NAA25: variants seen among roughly 807,000 people sequenced by gnomAD.
The protein encoded by NAA25 is N-terminal acetyltransferase B complex subunit NAA25.
NAA25 carries 30 observed loss-of-function variants against 132.5 expected under a neutral mutation model. The ratio of observed to expected loss-of-function variants is 0.23; its 90% CI spans 0.17 to 0.31. The LOEUF is 0.31. NAA25 is among the 10% of genes least tolerant of loss of function. The pLI is 1.00. For synonymous variants in NAA25, 359 were observed against 401.9 expected (o/e 0.89, Z 1.28); for missense variants, 771 against 1,150.4 (o/e 0.67, Z 4.77).
intron 17 of NAA25, among the ~76,000 whole-genome samples, chr12:112,046,985 T>C (rs1044073257): frequency 6.6e-6 from 1 of 152,196 alleles, no homozygotes; most frequent in Non-Finnish European, 1.5e-5. Flanking sequence ...ATATTTTCTA[T>C]ATTTTCTTCT....
At chr12:112,069,056 GA>G (rs2078763197) in intron 10 of NAA25, 64 bp from the exon 11 acceptor site, 1 of 928,838 alleles carries the variant, frequency 1.1e-6, no homozygotes, top group Non-Finnish European at 1.7e-6. Context: ...ATTTAAGTGA[GA>G]ATTAATTTGA....
At chr12:112,076,574 A>G (rs1159595868) in intron 7 of NAA25, among the ~76,000 whole-genome samples, 1 of 152,172 alleles carries the variant, frequency 6.6e-6, no homozygotes, top group East Asian at 1.9e-4. Flanking sequence ...AAAAACTAGG[A>G]TGATAGTTCT....
At position 112,029,305 on chromosome 12, in the gene NAA25, T is replaced by C. The variant is rs2078119711; in HGVS notation, c.*226A>G. The C allele has an allele frequency of 1.8e-6, 1 of 556,682 alleles. No individual in the cohort carries two copies. The highest frequency in any genetic ancestry group is 3.1e-6 in the Non-Finnish European group (1 of 323,124). 34.5% of individuals were successfully genotyped at this position (556,682 alleles called of 1,614,324 possible). ...TTGCTGCCATATGCATATGAACATG[T>C]ATAAAAAGTGGTCAAACCCAGATGA... is the stretch of plus-strand genomic sequence containing the variant. On this transcript the variant is annotated 3_prime_UTR_variant, in exon 24 of 24. Coordinates refer to ENST00000261745, the MANE Select transcript of NAA25 (RefSeq NM_024953.4).
At chr12:112,095,425 A>G (rs2079198093) in intron 1 of NAA25, among the ~76,000 whole-genome samples, 1 of 150,368 alleles carries the variant, frequency 6.7e-6, no homozygotes. Flanking sequence ...TGACAGAGTG[A>G]GACTCCGTCT....
At position 112,061,192 on chromosome 12, in the gene NAA25, C is replaced by A; in HGVS notation, c.1346G>T (p.Gly449Val). Residue 449 changes from glycine (G) to valine (V), a missense_variant, in exon 12 of 24, where the codon GGA becomes GTA. By Grantham distance (109) the Gly-to-Val change is moderately radical. Coordinates refer to ENST00000261745, the MANE Select transcript of NAA25 (RefSeq NM_024953.4). ...GAATGGTTGCTCACCAAATTCCAGT[C>A]CATGCTGGTACCTTAACATCAATTC... ...VRELMLRYQH[G>V]LEFGKTCLKT... 6.2e-7 allele frequency: 1 copy of A among 1,613,262 alleles called. No homozygotes were observed. Among genetic ancestry groups the A allele is most frequent in the South Asian group, 1.1e-5 (1 of 91,010 alleles).
At chr12:112,096,483 CAATGCACTT>C (rs1291320724) in intron 1 of NAA25, among the ~76,000 whole-genome samples, 23 of 152,116 alleles carry the variant, frequency 1.5e-4, no homozygotes, top group African/African-American at 4.8e-4. Flanking sequence ...TGCATGAGTT[CAATGCACTT>C]AATGCACTTA....
chr12:112,056,140 C>A (rs1299750575), intron 13 of NAA25, among the ~76,000 whole-genome samples: 1 of 152,164 alleles, frequency 6.6e-6, no homozygotes, highest in Admixed American at 6.5e-5. Context: ...TCGAGACCAG[C>A]CTGGCCAACA....
chr12:112,080,253 C>G (rs2078952149), intron 5 of NAA25, among the ~76,000 whole-genome samples: 1 of 143,414 alleles, frequency 7.0e-6, no homozygotes, highest in Admixed American at 7.3e-5. Flanking sequence ...TGCACTCCAG[C>G]CTGGGTTAGA....
intron 23 of NAA25, 32 bp from the exon 24 acceptor site, chr12:112,029,685 T>G (rs1436150392): frequency 6.2e-7 from 1 of 1,601,650 alleles, no homozygotes; most frequent in Non-Finnish European, 8.5e-7. Flanking sequence ...TAATTAGTCT[T>G]GTTTAAAAAC....
Position 112,036,860 on chromosome 12 carries a change from C to T in NAA25, c.2649+2369G>A, listed in dbSNP as rs78831907. ...CATCTCAAAAAAAAAAAAAAAAGTA[C>T]GTAAAACTGTGTGTGCGTGTGTGTG... On this transcript the variant is annotated intron_variant, in intron 22 of 23. Coordinates refer to ENST00000261745, the MANE Select transcript of NAA25 (RefSeq NM_024953.4). Among the ~76,000 whole-genome samples, 222 of 149,794 alleles carry T rather than the reference C, an allele frequency of 1.5e-3. 1 individual carries two copies. The highest frequency in any genetic ancestry group is 5.0e-3 in the African/African-American group (203 of 40,856).
At chr12:112,086,073 T>TATATATATACACACATAC (rs759148501) in intron 4 of NAA25, among the ~76,000 whole-genome samples, 1 of 53,964 alleles carries the variant, frequency 1.9e-5, no homozygotes, top group Non-Finnish European at 2.8e-5. Context: ...TATATATATA[T>TATATATATACACACATAC]ACACACACAC....
At chr12:112,068,632 T>G (rs543363862) in intron 11 of NAA25, among the ~76,000 whole-genome samples, 13 of 152,186 alleles carry the variant, frequency 8.5e-5, no homozygotes, top group Non-Finnish European at 1.8e-4. Flanking sequence ...AATCCATAAT[T>G]ATCTCAAAAT....
At chr12:112,072,608 CAAAA>C (rs1300393592) in intron 9 of NAA25, among the ~76,000 whole-genome samples, 1 of 86,266 alleles carries the variant, frequency 1.2e-5, no homozygotes. Flanking sequence ...GATTCCATCT[CAAAA>C]AAAAAAAAAA....
intron 13 of NAA25, among the ~76,000 whole-genome samples, chr12:112,055,719 GAAA>G (rs1192938515): frequency 5.5e-5 from 7 of 127,544 alleles, no homozygotes; most frequent in Non-Finnish European, 1.0e-4. Flanking sequence ...AATAGAAAAG[GAAA>G]AAAAAAAAGA....
chr12:112,076,875 A>C (rs1459990638), intron 7 of NAA25, among the ~76,000 whole-genome samples: 1 of 152,008 alleles, frequency 6.6e-6, no homozygotes, highest in African/African-American at 2.4e-5. Flanking sequence ...ATACGCCTGG[A>C]GTCCTAACTA....
intron 1 of NAA25, among the ~76,000 whole-genome samples, chr12:112,102,077 C>T (rs1199784481): frequency 6.6e-6 from 1 of 151,712 alleles, no homozygotes; most frequent in East Asian, 1.9e-4. Flanking sequence ...CCACGTTGGC[C>T]AGGCTGGTCT....
At chr12:112,101,784 T>C (rs950615965) in intron 1 of NAA25, among the ~76,000 whole-genome samples, 1 of 150,350 alleles carries the variant, frequency 6.7e-6, no homozygotes, top group African/African-American at 2.4e-5. Context: ...AAAAAGATAA[T>C]ACAAAGTGAT....
chr12:112,106,140 G>C (rs747149351), intron 1 of NAA25, among the ~76,000 whole-genome samples: 4 of 152,164 alleles, frequency 2.6e-5, no homozygotes, highest in Non-Finnish European at 5.9e-5. Context: ...TAGAATTACT[G>C]AAGAAAGCCT....
At chr12:112,091,438 C>G (rs1296843178) in intron 2 of NAA25, among the ~76,000 whole-genome samples, 1 of 151,980 alleles carries the variant, frequency 6.6e-6, no homozygotes, top group African/African-American at 2.4e-5. Flanking sequence ...AATGTAACCC[C>G]AGCACTTTGG....
Sources: allele counts gnomAD v4.1 joint callset (sites outside exome capture counted in the v4.1 genomes callset), GRCh38; gene constraint gnomAD v4.1.1; transcripts MANE v1.5; gene names NCBI Gene and HGNC (gene_info 2026-07-23, HGNC 2026-07-21).